The following ZFAT variants were observed in gnomAD, a reference collection of about 807,000 sequenced individuals.
ZFAT encodes the protein zinc finger protein ZFAT.
A neutral mutation model predicts 117.7 loss-of-function variants in ZFAT; 64 were observed. That is an observed-to-expected ratio of 0.54 (90% CI 0.44 to 0.67). The LOEUF (loss-of-function observed/expected upper bound fraction) is 0.67. ZFAT is among the 30% of genes least tolerant of loss of function. The probability of loss-of-function intolerance (pLI) is 0.00; values close to 1 mark genes in which losing one functional copy is unlikely to be tolerated. For synonymous variants in ZFAT, 679 were observed against 615.0 expected (o/e 1.10, Z -1.54); for missense variants, 1,433 against 1,584.5 (o/e 0.90, Z 1.62).
At chr8:134,564,136 C>A (rs183637324) in intron 11 of ZFAT, among the ~76,000 whole-genome samples, 68 of 130,440 alleles carry the variant, frequency 5.2e-4, no homozygotes, top group Admixed American at 3.5e-3. Flanking sequence ...GCCTGGGCAA[C>A]AGAGGAGCAG....
At position 134,478,779 on chromosome 8, in the gene ZFAT, C is replaced by A. The variant is rs971646729; in HGVS notation, c.3493-58G>T. 6.6e-7 allele frequency: 1 copy of A among 1,518,568 alleles called. No individual in the cohort carries two copies. Among genetic ancestry groups the A allele is most frequent in the African/African-American group, 1.4e-5 (1 of 72,622 alleles). The allele number at this position is 1,518,568 out of a possible 1,614,324, so 94.1% of individuals were successfully genotyped here. ...GCGCCTACTTCCCGGTCCAGCGTAA[C>A]AACAAAGTCACAACTACAGTTTAGG... On this transcript the variant is annotated intron_variant, in intron 15 of 15. Transcript: ENST00000377838. The surrounding 1 kb of genome is among the most constrained non-coding windows in gnomAD (Gnocchi z 5.2).
chr8:134,593,033 C>A (rs1826643209), intron 7 of ZFAT, among the ~76,000 whole-genome samples: 1 of 152,206 alleles, frequency 6.6e-6, no homozygotes, highest in Admixed American at 6.5e-5. Context: ...AGGCTCAGGG[C>A]TCCTCAGAGC....
At chr8:134,713,624 ATGTGCGCGCCTCCAACACCCGC>A (rs1814125101), upstream of ZFAT, among the ~76,000 whole-genome samples, 1 of 151,976 alleles carries the variant, frequency 6.6e-6, no homozygotes, top group Non-Finnish European at 1.5e-5. Flanking sequence ...TCTGCACTGG[ATGTGCGCGCCTCCAACACCCGC>A]TCATTCATTT....
chr8:134,503,260 A>G (rs1284205811), intron 15 of ZFAT, among the ~76,000 whole-genome samples: 1 of 152,194 alleles, frequency 6.6e-6, no homozygotes, highest in African/African-American at 2.4e-5. Flanking sequence ...TCAAGGATAC[A>G]CAGGATAGAG....
chr8:134,765,409 T>G, the ZFAT span: 1 of 152,180 alleles, frequency 6.6e-6, no homozygotes, highest in Non-Finnish European at 1.5e-5. Context: ...ATGGTGGGAA[T>G]AATTACACTA....
At chr8:134,610,075 T>G (rs1828206878) in intron 4 of ZFAT, among the ~76,000 whole-genome samples, 1 of 152,182 alleles carries the variant, frequency 6.6e-6, no homozygotes, top group Admixed American at 6.5e-5. Context: ...AGCAGCAGCC[T>G]GCATGCGTCT....
chr8:134,531,898 G>C (rs924722645), intron 12 of ZFAT, among the ~76,000 whole-genome samples: 7 of 152,154 alleles, frequency 4.6e-5, no homozygotes, highest in African/African-American at 1.7e-4. Context: ...AAAACTCCAA[G>C]CATCCCCAGC....
rs1474347982 is a variant in ZFAT, at chr8:134,573,663, G to A, written c.2888-8242C>T. 2.0e-5 allele frequency among the ~76,000 whole-genome samples: 3 copies of A among 152,240 alleles called. No individual in the cohort carries two copies. The South Asian group carries it at 6.2e-4, about 32-fold the overall frequency. On this transcript the variant is annotated intron_variant, in intron 10 of 15. Transcript: ENST00000377838. Reference sequence around the variant, plus strand: ...CCTTCAAAGATGGGGATGCAGGCACGAAAATGTCATTTCCATTGTTTCTGT... The same window carrying A: ...CCTTCAAAGATGGGGATGCAGGCACAAAAATGTCATTTCCATTGTTTCTGT...
chr8:134,527,869 C>T (rs374003665), intron 12 of ZFAT, among the ~76,000 whole-genome samples: 8 of 152,182 alleles, frequency 5.3e-5, no homozygotes, highest in African/African-American at 1.4e-4. Context: ...CCCTCACATA[C>T]GCCCCCAAAT....
intron 1 of ZFAT, among the ~76,000 whole-genome samples, chr8:134,691,589 G>A (rs776560430): frequency 6.6e-6 from 1 of 152,214 alleles, no homozygotes; most frequent in Non-Finnish European, 1.5e-5. Context: ...ATTAATTCAG[G>A]AACTTCATTC....
At chr8:134,612,770 C>T (rs1035959520) in intron 3 of ZFAT, among the ~76,000 whole-genome samples, 5 of 152,182 alleles carry the variant, frequency 3.3e-5, no homozygotes, top group Admixed American at 1.3e-4. Flanking sequence ...AACTGCATCA[C>T]TCTCCAAGGC....
chr8:134,582,329 C>T (rs971305685), intron 10 of ZFAT, among the ~76,000 whole-genome samples: 1 of 152,208 alleles, frequency 6.6e-6, no homozygotes, highest in Non-Finnish European at 1.5e-5. Flanking sequence ...CTGTGAATGC[C>T]TTCTTGACCC....
chr8:134,565,552 C>A (rs750680103), intron 10 of ZFAT, 131 bp from the exon 11 acceptor site: 1 of 873,258 alleles, frequency 1.1e-6, no homozygotes, highest in Non-Finnish European at 1.8e-6. Context: ...CAGAAGGGAA[C>A]AGCGACGAGG....
chr8:134,539,384 T>TG (rs1822081976), intron 11 of ZFAT, among the ~76,000 whole-genome samples: 1 of 152,176 alleles, frequency 6.6e-6, no homozygotes, highest in African/African-American at 2.4e-5. Flanking sequence ...TGCAACCAAG[T>TG]ATGGTATTAA....
intron 1 of ZFAT, among the ~76,000 whole-genome samples, chr8:134,671,237 TC>T (rs1832547322): frequency 6.6e-6 from 1 of 152,160 alleles, no homozygotes; most frequent in Non-Finnish European, 1.5e-5. Context: ...GAGGGAATCC[TC>T]CCTAACTCAT....
the ZFAT span, among the ~76,000 whole-genome samples, chr8:134,814,199 T>C: frequency 2.0e-5 from 3 of 152,350 alleles, no homozygotes; most frequent in African/African-American, 7.2e-5. Context: ...TCAGAATATG[T>C]TATAACATCA....
At chr8:134,713,163 T>A (rs940121295), upstream of ZFAT, 2 of 304,638 alleles carry the variant, frequency 6.6e-6, no homozygotes, top group Non-Finnish European at 1.2e-5. Context: ...TCGGAGGCCG[T>A]GCTTTTTATC....
At chr8:134,789,028 C>A in the ZFAT span, among the ~76,000 whole-genome samples, 1 of 152,066 alleles carries the variant, frequency 6.6e-6, no homozygotes, top group Non-Finnish European at 1.5e-5. Context: ...AAACTTAATT[C>A]AACTAATGAC....
At chr8:134,568,046 C>G (rs1295902493) in intron 10 of ZFAT, among the ~76,000 whole-genome samples, 1 of 152,192 alleles carries the variant, frequency 6.6e-6, no homozygotes, top group Non-Finnish European at 1.5e-5. Context: ...CATCTTGGTA[C>G]CCCAGCACAT....
Sources: allele counts gnomAD v4.1 joint callset (sites outside exome capture counted in the v4.1 genomes callset), GRCh38; gene constraint gnomAD v4.1.1; non-coding constraint Gnocchi (gnomAD v3.1); transcripts MANE v1.5; gene names NCBI Gene and HGNC (gene_info 2026-07-23, HGNC 2026-07-21).